XKR9: variants seen among roughly 807,000 people sequenced by gnomAD.
XKR9 encodes the protein XK related 9.
In XKR9, 32 loss-of-function variants were observed where a neutral mutation model predicts 32.0. The ratio of observed to expected loss-of-function variants is 1.00; its 90% confidence interval spans 0.76 to 1.34. The LOEUF (loss-of-function observed/expected upper bound fraction) is 1.34, where lower values mean the gene tolerates loss of function less well. Ranked by LOEUF, XKR9 falls within the 40% of genes most tolerant of loss-of-function variation. The pLI, the probability that XKR9 is intolerant of heterozygous loss-of-function variation, is 0.00. For missense variants in XKR9, 546 were observed against 429.7 expected (o/e 1.27, Z -2.39); for synonymous variants, 168 against 143.4 (o/e 1.17, Z -1.22).
At chr8:70,781,322 A>G (rs1807613144) in intron 2 of XKR9, among the ~76,000 whole-genome samples, 1 of 151,886 alleles carries the variant, frequency 6.6e-6, no homozygotes, top group Non-Finnish European at 1.5e-5. Context: ...TGGTTACTAG[A>G]CCCTCATCAA....
At chr8:70,963,467 C>T in the XKR9 span, among the ~76,000 whole-genome samples, 1 of 152,072 alleles carries the variant, frequency 6.6e-6, no homozygotes, top group African/African-American at 2.4e-5. Context: ...ATTTATATTC[C>T]TTTGGGGATA....
the XKR9 span, among the ~76,000 whole-genome samples, chr8:71,050,250 TATATATATATAG>T: frequency 7.6e-5 from 10 of 131,984 alleles, no homozygotes; most frequent in African/African-American, 2.6e-4. Flanking sequence ...TATATATATA[TATATATATATAG>T]ATAGATAGAT....
intron 2 of XKR9, among the ~76,000 whole-genome samples, chr8:70,744,903 C>T (rs1807036878): frequency 1.3e-5 from 2 of 150,056 alleles, no homozygotes; most frequent in African/African-American, 4.9e-5. Context: ...ACCATGCCAG[C>T]CTGAATGATT....
chr8:70,952,932 A>G, the XKR9 span, among the ~76,000 whole-genome samples: 1 of 152,342 alleles, frequency 6.6e-6, no homozygotes, highest in East Asian at 1.9e-4. Context: ...CATTGCTGTG[A>G]CATCCAAGTA....
At chr8:70,766,188 C>T (rs368689267) in intron 2 of XKR9, among the ~76,000 whole-genome samples, 12 of 152,074 alleles carry the variant, frequency 7.9e-5, no homozygotes, top group African/African-American at 2.9e-4. Context: ...CTATATATTA[C>T]TTTGGGCAGT....
chr8:70,820,160 A>C, the XKR9 span, among the ~76,000 whole-genome samples: 1 of 152,198 alleles, frequency 6.6e-6, no homozygotes, highest in Non-Finnish European at 1.5e-5. Context: ...TCCTATACCT[A>C]GAGAAAAAGA....
the XKR9 span, among the ~76,000 whole-genome samples, chr8:70,903,864 A>G: frequency 6.6e-6 from 1 of 152,100 alleles, no homozygotes; most frequent in African/African-American, 2.4e-5. Context: ...GTTTCAAAGA[A>G]CATCTTTATT....
the XKR9 span, among the ~76,000 whole-genome samples, chr8:71,057,686 TC>T: frequency 6.6e-6 from 1 of 152,182 alleles, no homozygotes; most frequent in Admixed American, 6.5e-5. Context: ...TGAGAATTGT[TC>T]CTGGAAATGG....
At chr8:70,984,199 T>C in the XKR9 span, among the ~76,000 whole-genome samples, 1 of 152,212 alleles carries the variant, frequency 6.6e-6, no homozygotes, top group Non-Finnish European at 1.5e-5. Flanking sequence ...TAATCTTCAG[T>C]CCATCATTGT....
In XKR9 at chr8:70,742,114, C is replaced by T. The variant is rs775625634; in HGVS notation, n.352+34961C>T. Among the ~76,000 whole-genome samples the T allele has an allele frequency of 2.0e-5, 3 of 152,084 alleles. No homozygotes were observed. The South Asian group carries it at 6.2e-4, about 32-fold the overall frequency. On this transcript the variant is annotated intron_variant and non_coding_transcript_variant, in intron 2 of 3. Coordinates refer to the XKR9 transcript ENST00000520273. ...ATTCATATATCTTCTTTGGAGAACT[C>T]TCTATATTTAATTAAGGGTTAACAT...
chr8:70,979,790 G>T, the XKR9 span, among the ~76,000 whole-genome samples: 1 of 152,330 alleles, frequency 6.6e-6, no homozygotes, highest in South Asian at 2.1e-4. Flanking sequence ...GCTGTCTTCA[G>T]AGCCGTCAGA....
At chr8:70,820,386 C>T in the XKR9 span, among the ~76,000 whole-genome samples, 3 of 152,054 alleles carry the variant, frequency 2.0e-5, no homozygotes, top group South Asian at 2.1e-4. Flanking sequence ...GCAAACTGTA[C>T]AAGAAACCTG....
chr8:70,678,542 T>G (rs1019659576), intron 2 of XKR9, among the ~76,000 whole-genome samples: 1 of 152,192 alleles, frequency 6.6e-6, no homozygotes, highest in Non-Finnish European at 1.5e-5. Flanking sequence ...AATATTTAAT[T>G]AGTTCAATTG....
the XKR9 span, among the ~76,000 whole-genome samples, chr8:70,884,735 A>G: frequency 4.6e-5 from 7 of 152,082 alleles, no homozygotes; most frequent in East Asian, 1.2e-3. Context: ...ATCTTGTTCC[A>G]TTCGTGTCTC....
At chr8:70,769,998 A>G (rs1214427217) in intron 2 of XKR9, among the ~76,000 whole-genome samples, 5 of 152,024 alleles carry the variant, frequency 3.3e-5, no homozygotes, top group African/African-American at 7.2e-5. Context: ...AGGAATTGTG[A>G]TCCTTTGGAG....
chr8:70,793,502 T>A (rs1807791358), downstream of XKR9, among the ~76,000 whole-genome samples: 1 of 152,110 alleles, frequency 6.6e-6, no homozygotes, highest in African/African-American at 2.4e-5. Context: ...TACACCCCAC[T>A]AGCACAAATA....
chr8:70,877,677 T>G, the XKR9 span, among the ~76,000 whole-genome samples: 2 of 152,180 alleles, frequency 1.3e-5, no homozygotes, highest in Admixed American at 1.3e-4. Context: ...AGACCAAATC[T>G]ACATTTGATT....
intron 2 of XKR9, among the ~76,000 whole-genome samples, chr8:70,744,201 C>T (rs923684473): frequency 1.3e-5 from 2 of 151,788 alleles, no homozygotes; most frequent in Non-Finnish European, 2.9e-5. Flanking sequence ...ATCCCAGCTA[C>T]TTGGGAGGCT....
chr8:70,768,249 C>A (rs1403514755), intron 2 of XKR9, among the ~76,000 whole-genome samples: 1 of 152,146 alleles, frequency 6.6e-6, no homozygotes. Flanking sequence ...GTTTCTTAAT[C>A]CTGAGTTCTA....
Sources: gnomAD v4.1 joint callset for allele counts (sites outside exome capture counted in the v4.1 genomes callset) on GRCh38, gnomAD v4.1.1 for gene constraint, MANE v1.5 for transcripts, NCBI Gene and HGNC (gene_info 2026-07-23, HGNC 2026-07-21) for gene names.